IL1RAPL2: variants seen among roughly 807,000 people sequenced by gnomAD.
The protein encoded by IL1RAPL2 is interleukin 1 receptor accessory protein like 2.
IL1RAPL2 carries 3 observed loss-of-function variants against 44.1 expected under a neutral mutation model. The observed-to-expected ratio is 0.07, with a 90% CI of 0.03 to 0.18. IL1RAPL2 has a LOEUF of 0.18. Ranked by LOEUF, IL1RAPL2 falls within the 10% of genes least tolerant of loss-of-function variation. The pLI is 1.00. For synonymous variants in IL1RAPL2, 181 were observed against 178.8 expected, an observed-to-expected ratio of 1.01 and a Z score of -0.10; for missense variants, 391 against 496.4, an observed-to-expected ratio of 0.79 and a Z score of 2.02.
chrX:105,030,606 T>G lies in IL1RAPL2; in HGVS notation c.83-164869T>G, dbSNP rs926573824. ...CTCTGTTCTGTTCCATTGATCTATA[T>G]CTCTGTTTTGGTACCAGTACCATGC... On this transcript the variant is annotated intron_variant, in intron 2 of 10. Transcript: ENST00000372582. Among the ~76,000 whole-genome samples the G allele has an allele frequency of 2.1e-4, 24 of 111,971 alleles. 2 individuals carry two copies. In the East Asian group the frequency reaches 5.6e-3, roughly 26 times the overall value.
intron 10 of IL1RAPL2, 35 bp from the exon 11 acceptor site, chrX:105,766,927 CTT>C: frequency 9.5e-7 from 1 of 1,047,948 alleles, no homozygotes; most frequent in Non-Finnish European, 1.3e-6. Flanking sequence ...CTGGCAATGT[CTT>C]TGTTTTACTC....
At chrX:105,074,748 G>T (rs1157035590) in intron 2 of IL1RAPL2, among the ~76,000 whole-genome samples, 2 of 108,027 alleles carry the variant, frequency 1.9e-5, no homozygotes, top group East Asian at 5.8e-4. Context: ...CCTTGAAGAG[G>T]TTCTTCACAT....
rs1925034811 is a variant in IL1RAPL2, at chrX:104,936,651, C to T, written c.83-258824C>T. Among the ~76,000 whole-genome samples, 4 of 89,438 alleles carry T rather than the reference C, an allele frequency of 4.5e-5. No homozygotes were observed. The South Asian group carries it at 2.4e-3, about 53-fold the overall frequency. The allele number at this position is 89,438 out of a possible 115,157, so 77.7% of individuals were successfully genotyped here. The stretch of plus-strand genomic sequence containing the variant: ...TTTTTTTTTTTTTTTGAGATGGAGT[C>T]TCGCTCAGTTGCCCAGGCTAGAGTG... On this transcript the variant is annotated intron_variant, in intron 2 of 10. Transcript: ENST00000372582.
chrX:105,151,522 TG>T (rs2033227618), intron 2 of IL1RAPL2, among the ~76,000 whole-genome samples: 1 of 110,700 alleles, frequency 9.0e-6, no homozygotes, highest in South Asian at 3.8e-4. Context: ...TGTTTTTTTT[TG>T]TTTTTTCGTT....
At chrX:105,403,221 CA>C (rs2035617964) in intron 5 of IL1RAPL2, among the ~76,000 whole-genome samples, 1 of 111,477 alleles carries the variant, frequency 9.0e-6, no homozygotes, top group African/African-American at 3.3e-5. Flanking sequence ...AGAATAGCAT[CA>C]TTTTTTTTAA....
chrX:104,677,097 C>T (rs1044599341), intron 2 of IL1RAPL2, among the ~76,000 whole-genome samples: 8 of 112,112 alleles, frequency 7.1e-5, no homozygotes, highest in Admixed American at 6.6e-4. Flanking sequence ...TCTCTCAGCT[C>T]GTCAAAGTCA....
Position 104,907,115 on chromosome X carries a change from G to C in IL1RAPL2, c.82+248120G>C, listed in dbSNP as rs758978535. Reference sequence around the variant, plus strand: ...AGAGGTGTTTGTAGTATTCTCTGATGGTAGTTTGTATTTCTGTGGGATCAG... The same window carrying C: ...AGAGGTGTTTGTAGTATTCTCTGATCGTAGTTTGTATTTCTGTGGGATCAG... On this transcript the variant is annotated intron_variant, in intron 2 of 10. Coordinates refer to ENST00000372582, the MANE Select transcript of IL1RAPL2 (RefSeq NM_017416.2). 7.2e-3 allele frequency among the ~76,000 whole-genome samples: 797 copies of C among 110,778 alleles called. 8 individuals carry two copies. The highest frequency in any genetic ancestry group is 0.024 in the African/African-American group (735 of 30,462).
intron 2 of IL1RAPL2, among the ~76,000 whole-genome samples, chrX:105,182,364 G>T (rs1475208090): frequency 1.8e-5 from 2 of 111,439 alleles, no homozygotes; most frequent in Non-Finnish European, 3.8e-5. Context: ...TTACTGAATT[G>T]ATCCCTTTAT....
chrX:105,485,379 G>T (rs1461068921), intron 6 of IL1RAPL2, among the ~76,000 whole-genome samples: 1 of 110,993 alleles, frequency 9.0e-6, no homozygotes, highest in Non-Finnish European at 1.9e-5. Flanking sequence ...TTTGATACAG[G>T]TATACAATGT....
At chrX:104,588,293 CAG>C (rs1234466110) in intron 1 of IL1RAPL2, among the ~76,000 whole-genome samples, 1 of 110,996 alleles carries the variant, frequency 9.0e-6, no homozygotes, top group African/African-American at 3.3e-5. Context: ...TTCAAGTCAA[CAG>C]TACCACCCCT....
intron 2 of IL1RAPL2, among the ~76,000 whole-genome samples, chrX:105,168,465 A>G (rs1461901748): frequency 1.9e-5 from 2 of 103,173 alleles, no homozygotes; most frequent in Non-Finnish European, 3.9e-5. Context: ...ACGTGCATGT[A>G]AAGAGAGAGA....
At chrX:105,533,741 T>G (rs1159926516) in intron 6 of IL1RAPL2, among the ~76,000 whole-genome samples, 3 of 112,232 alleles carry the variant, frequency 2.7e-5, no homozygotes, top group African/African-American at 9.7e-5. Flanking sequence ...CTCAGAAAAT[T>G]TTTTGAGGTT....
In IL1RAPL2 at chrX:105,717,255, GA is replaced by G. The variant is rs1279359313; in HGVS notation, c.773-111del. Reference sequence around the variant, plus strand: ...TACAATGATAAGATGACTAGAAAAAGAGTTGAAAATTGGGTCACCTCTGAGT... The same window carrying G: ...TACAATGATAAGATGACTAGAAAAAGGTTGAAAATTGGGTCACCTCTGAGT... On this transcript the variant is annotated intron_variant, in intron 6 of 10. Transcript: ENST00000372582. 5.0e-6 allele frequency: 3 copies of G among 594,871 alleles called. No homozygotes were observed. In the African/African-American group the frequency reaches 7.0e-5, roughly 14 times the overall value. The allele number at this position is 594,871 out of a possible 1,213,427, so 49.0% of individuals were successfully genotyped here. A position where few individuals can be genotyped will look rare whatever the true frequency, so the allele number is the denominator to read the frequency against.
At chrX:104,588,271 G>A (rs1191298212) in intron 1 of IL1RAPL2, among the ~76,000 whole-genome samples, 1 of 110,487 alleles carries the variant, frequency 9.1e-6, no homozygotes, top group African/African-American at 3.3e-5. Flanking sequence ...TACTTCTTGA[G>A]CCCTGTTCCT....
At chrX:105,073,044 T>C (rs1355046250) in intron 2 of IL1RAPL2, among the ~76,000 whole-genome samples, 1 of 106,476 alleles carries the variant, frequency 9.4e-6, no homozygotes, top group Non-Finnish European at 1.9e-5. Flanking sequence ...TCTTTTTTTT[T>C]CTTTTTTTTA....
At chrX:105,010,064 C>A (rs1417006649) in intron 2 of IL1RAPL2, among the ~76,000 whole-genome samples, 2 of 110,737 alleles carry the variant, frequency 1.8e-5, no homozygotes, top group Non-Finnish European at 3.8e-5. Flanking sequence ...TGATTTTTGT[C>A]ATCTTTTATG....
At chrX:105,468,514 G>A (rs1302893308) in intron 5 of IL1RAPL2, among the ~76,000 whole-genome samples, 1 of 112,139 alleles carries the variant, frequency 8.9e-6, no homozygotes, top group Non-Finnish European at 1.9e-5. Flanking sequence ...AAGTTTGGTT[G>A]AATGCCCTGA....
At chrX:105,226,877 T>C (rs1022927549) in intron 3 of IL1RAPL2, among the ~76,000 whole-genome samples, 2 of 110,605 alleles carry the variant, frequency 1.8e-5, no homozygotes, top group Admixed American at 9.7e-5. Flanking sequence ...AGCTGCATTA[T>C]CAAGCAGTAA....
At chrX:104,899,636 A>C (rs1923754688) in intron 2 of IL1RAPL2, among the ~76,000 whole-genome samples, 2 of 110,892 alleles carry the variant, frequency 1.8e-5, no homozygotes, top group Non-Finnish European at 3.8e-5. Context: ...TCCCCTTAAC[A>C]ATCTTTCTCT....
Sources: allele counts gnomAD v4.1 joint callset (sites outside exome capture counted in the v4.1 genomes callset), GRCh38; gene constraint gnomAD v4.1.1; transcripts MANE v1.5; gene names NCBI Gene and HGNC (gene_info 2026-07-23, HGNC 2026-07-21).